CACNA2D1: variants seen among roughly 807,000 people sequenced by gnomAD.
CACNA2D1 encodes calcium voltage-gated channel auxiliary subunit alpha2delta 1, also known as voltage-dependent calcium channel subunit alpha-2/delta-1.
A neutral mutation model predicts 171.5 loss-of-function variants in CACNA2D1; 53 were observed. The observed-to-expected ratio is 0.31, with a 90% CI of 0.25 to 0.39. The LOEUF (loss-of-function observed/expected upper bound fraction) is 0.39, where lower values mean the gene tolerates loss of function less well. Among genes scored for constraint, CACNA2D1 ranks in the 10% least tolerant of loss-of-function variants. The probability of loss-of-function intolerance (pLI) is 1.00; values close to 1 mark genes in which losing one functional copy is unlikely to be tolerated. For missense variants in CACNA2D1, 903 were observed against 1,299.8 expected, an observed-to-expected ratio of 0.69 and a Z score of 4.69; for synonymous variants, 442 against 443.1, an observed-to-expected ratio of 1.00 and a Z score of 0.03.
chr7:82,060,176 ATAAT>A (rs1315813569), intron 10 of CACNA2D1, among the ~76,000 whole-genome samples: 1 of 29,338 alleles, frequency 3.4e-5, no homozygotes, highest in African/African-American at 1.4e-4. Flanking sequence ...ATATATATAT[ATAAT>A]ATATATATAT....
In CACNA2D1 at chr7:82,443,250, C is replaced by A; in HGVS notation, c.95+115G>T. Reference sequence around the variant, plus strand: ...TCCGCATCCGAGCCTGGCTCCCCGGCCGCTCGCTCCCCACCCCCACGGGCG... The same window carrying A: ...TCCGCATCCGAGCCTGGCTCCCCGGACGCTCGCTCCCCACCCCCACGGGCG... On this transcript the variant is annotated intron_variant, in intron 1 of 38. Coordinates refer to ENST00000356860, the MANE Select transcript of CACNA2D1 (RefSeq NM_000722.4). 5 of 1,014,556 alleles carry A rather than the reference C, an allele frequency of 4.9e-6. 1 individual carries two copies. In the South Asian group the frequency reaches 6.6e-5, roughly 13 times the overall value. 62.8% of individuals were successfully genotyped at this position (1,014,556 alleles called of 1,614,324 possible).
Position 82,359,581 on chromosome 7 carries a change from C to T in CACNA2D1, c.96-9932G>A, listed in dbSNP as rs1004116978. On this transcript the variant is annotated intron_variant, in intron 1 of 38. Coordinates refer to ENST00000356860, the MANE Select transcript of CACNA2D1 (RefSeq NM_000722.4). ...TTTCTACTAAACTGAAATCACCTCT[C>T]GAATCCTCTTCAGCTACTGAAAATC... Among the ~76,000 whole-genome samples, 5 of 152,134 alleles carry T rather than the reference C, an allele frequency of 3.3e-5. No individual in the cohort carries two copies. In the East Asian group the frequency reaches 5.8e-4, roughly 18 times the overall value.
chr7:82,363,945 G>A (rs1228683918), intron 1 of CACNA2D1, among the ~76,000 whole-genome samples: 3 of 152,042 alleles, frequency 2.0e-5, no homozygotes, highest in Non-Finnish European at 2.9e-5. Context: ...CAAAAAGGTT[G>A]GGTGAAGGCA....
At chr7:82,263,663 A>T (rs1807438684) in intron 3 of CACNA2D1, among the ~76,000 whole-genome samples, 1 of 152,252 alleles carries the variant, frequency 6.6e-6, no homozygotes, top group Non-Finnish European at 1.5e-5. Flanking sequence ...AAATGAAAAT[A>T]AAGGTATAGA....
At position 82,439,489 on chromosome 7, in the gene CACNA2D1, T is replaced by C. The variant is rs993489476; in HGVS notation, c.95+3876A>G. ...CTACTTTATATTCAAATTTTATGTA[T>C]ATTTATTAAATTAAATTAATGAAAG... is the stretch of plus-strand genomic sequence containing the variant. On this transcript the variant is annotated intron_variant, in intron 1 of 38. Coordinates refer to ENST00000356860, the MANE Select transcript of CACNA2D1 (RefSeq NM_000722.4). Among the ~76,000 whole-genome samples, 13 of 151,938 alleles carry C rather than the reference T, an allele frequency of 8.6e-5. No homozygotes were observed. In the East Asian group the frequency reaches 2.5e-3, roughly 29 times the overall value.
At chr7:82,137,731 T>C (rs1002382201) in intron 4 of CACNA2D1, among the ~76,000 whole-genome samples, 1 of 57,780 alleles carries the variant, frequency 1.7e-5, no homozygotes, top group Non-Finnish European at 3.4e-5. Flanking sequence ...AAAAAAAAAA[T>C]TAGCCGGGCG....
At chr7:82,342,452 T>C (rs1818788663) in intron 2 of CACNA2D1, among the ~76,000 whole-genome samples, 2 of 152,300 alleles carry the variant, frequency 1.3e-5, no homozygotes, top group South Asian at 4.1e-4. Flanking sequence ...AATAATGATT[T>C]ATAACAACTT....
chr7:82,292,898 G>A (rs920338214), intron 3 of CACNA2D1, among the ~76,000 whole-genome samples: 1 of 151,870 alleles, frequency 6.6e-6, no homozygotes, highest in East Asian at 1.9e-4. Context: ...AAATACATAT[G>A]TATGCATATA....
In CACNA2D1 at chr7:81,982,634, A is replaced by G. The variant is rs2130638150; in HGVS notation, c.1895-7T>C. The stretch of plus-strand genomic sequence containing the variant: ...GGCTTCAGGGTTTCCGAATCTGCAA[A>G]GATAATGTTACAGGATTAGATAGGT... On this transcript the variant is annotated splice_polypyrimidine_tract_variant and splice_region_variant and intron_variant, in intron 23 of 38. Transcript: ENST00000356860. 1 of 1,564,260 alleles carries G rather than the reference A, an allele frequency of 6.4e-7. No homozygotes were observed. Among genetic ancestry groups the G allele is most frequent in the Non-Finnish European group, 8.8e-7 (1 of 1,135,020 alleles).
intron 10 of CACNA2D1, among the ~76,000 whole-genome samples, chr7:82,040,189 T>A (rs1235295530): frequency 6.6e-6 from 1 of 152,012 alleles, no homozygotes; most frequent in Non-Finnish European, 1.5e-5. Flanking sequence ...AAGAATCAAA[T>A]AGGACTTGGT....
chr7:82,030,109 C>G (rs931699782), intron 12 of CACNA2D1, among the ~76,000 whole-genome samples: 1 of 151,578 alleles, frequency 6.6e-6, no homozygotes, highest in Non-Finnish European at 1.5e-5. Flanking sequence ...TGAAATGCAA[C>G]CTTTGTTTAA....
chr7:82,288,941 T>C (rs1328851622), intron 3 of CACNA2D1, among the ~76,000 whole-genome samples: 2 of 152,164 alleles, frequency 1.3e-5, no homozygotes, highest in Admixed American at 1.3e-4. Flanking sequence ...CTCCCTGCTG[T>C]AATGAACGCA....
intron 24 of CACNA2D1, among the ~76,000 whole-genome samples, chr7:81,982,288 C>A (rs1027882020): frequency 3.3e-5 from 5 of 152,116 alleles, no homozygotes; most frequent in African/African-American, 7.2e-5. Flanking sequence ...TGCCACCATG[C>A]CCAGCAAATT....
At chr7:82,170,692 A>C in intron 3 of CACNA2D1, 83 bp from the exon 4 acceptor site, 1 of 1,207,684 alleles carries the variant, frequency 8.3e-7, no homozygotes, top group South Asian at 1.2e-5. Context: ...CTTTCTAATC[A>C]ATTTTGAGGA....
At chr7:82,086,671 A>G (rs759627634) in intron 6 of CACNA2D1, among the ~76,000 whole-genome samples, 1 of 152,160 alleles carries the variant, frequency 6.6e-6, no homozygotes, top group African/African-American at 2.4e-5. Flanking sequence ...TACTAAACAA[A>G]TGTTTATTTA....
intron 3 of CACNA2D1, among the ~76,000 whole-genome samples, chr7:82,252,977 C>G (rs1009668506): frequency 4.0e-5 from 6 of 151,658 alleles, no homozygotes; most frequent in African/African-American, 1.5e-4. Flanking sequence ...CTAAAACATA[C>G]GAAGGTTCTG....
intron 7 of CACNA2D1, among the ~76,000 whole-genome samples, chr7:82,082,303 C>G (rs1809897302): frequency 6.6e-6 from 1 of 151,996 alleles, no homozygotes; most frequent in African/African-American, 2.4e-5. Context: ...ACGCAGACAA[C>G]TGAAGGGTGG....
chr7:82,029,379 T>C (rs1802364480), intron 12 of CACNA2D1: 1 of 151,764 alleles, frequency 6.6e-6, no homozygotes, highest in African/African-American at 2.4e-5. Context: ...AAAAAACTTG[T>C]GTGACTCACT....
chr7:82,335,070 C>T, intron 3 of CACNA2D1, 65 bp downstream of exon 3: 1 of 1,022,940 alleles, frequency 9.8e-7, no homozygotes. Flanking sequence ...CTCAATAGAG[C>T]ATGAAAATTA....
Sources: gnomAD v4.1 joint callset for allele counts (sites outside exome capture counted in the v4.1 genomes callset) on GRCh38, gnomAD v4.1.1 for gene constraint, MANE v1.5 for transcripts, NCBI Gene and HGNC (gene_info 2026-07-23, HGNC 2026-07-21) for gene names.